The following NDUFAF2 variants were observed in gnomAD, a reference collection of about 807,000 sequenced individuals.
The protein encoded by NDUFAF2 is NADH dehydrogenase [ubiquinone] 1 alpha subcomplex assembly factor 2.
A neutral mutation model predicts 22.8 loss-of-function variants in NDUFAF2; 13 were observed. The observed-to-expected ratio is 0.57, with a 90% CI of 0.37 to 0.91. The LOEUF (loss-of-function observed/expected upper bound fraction) is 0.91. Ranked by LOEUF, NDUFAF2 falls within the 40% of genes least tolerant of loss-of-function variation. NDUFAF2 has a pLI of 0.01. For missense variants in NDUFAF2, 162 were observed against 195.2 expected (o/e 0.83, Z 1.01); for synonymous variants, 53 against 64.2 (o/e 0.83, Z 0.84).
chr5:61,001,613 C>T (rs1238228346), intron 1 of NDUFAF2, among the ~76,000 whole-genome samples: 1 of 151,998 alleles, frequency 6.6e-6, no homozygotes, highest in African/African-American at 2.4e-5. Context: ...TATTTTATGA[C>T]TTTAGATATT....
chr5:61,055,666 G>A (rs1752078792), intron 1 of NDUFAF2, among the ~76,000 whole-genome samples: 1 of 152,216 alleles, frequency 6.6e-6, no homozygotes, highest in African/African-American at 2.4e-5. Flanking sequence ...GGGGGAAGAT[G>A]TGGAAAGTAT....
At chr5:61,062,606 A>G (rs1243879014) in intron 1 of NDUFAF2, among the ~76,000 whole-genome samples, 2 of 152,152 alleles carry the variant, frequency 1.3e-5, no homozygotes, top group East Asian at 3.9e-4. Context: ...CACTTAGAGG[A>G]GAAGAGACAG....
rs188366134 is a variant in NDUFAF2 at position 61,105,298 on chromosome 5, T to C, written c.258+6266T>C. On this transcript the variant is annotated intron_variant, in intron 3 of 3. Coordinates refer to ENST00000296597, the MANE Select transcript of NDUFAF2 (RefSeq NM_174889.5). Reference sequence around the variant, plus strand: ...CTCTAAATAACTGGCATTCATTGAGTAAGTTATCTGTGCCCAATATTACTA... The same window carrying C: ...CTCTAAATAACTGGCATTCATTGAGCAAGTTATCTGTGCCCAATATTACTA... Among the ~76,000 whole-genome samples the C allele has an allele frequency of 5.0e-4, 76 of 151,456 alleles. No homozygotes were observed. The Middle Eastern group carries it at 0.01, about 20-fold the overall frequency.
At chr5:60,969,360 C>T (rs1356518951) in intron 1 of NDUFAF2, among the ~76,000 whole-genome samples, 2 of 152,092 alleles carry the variant, frequency 1.3e-5, no homozygotes, top group Non-Finnish European at 2.9e-5. Flanking sequence ...TTCTCCACAT[C>T]GTTGCCAACA....
intron 1 of NDUFAF2, among the ~76,000 whole-genome samples, chr5:61,030,278 A>G (rs1270522241): frequency 6.6e-6 from 1 of 152,150 alleles, no homozygotes; most frequent in Non-Finnish European, 1.5e-5. Flanking sequence ...CACTTCTGAC[A>G]CATATGGTTC....
At chr5:60,997,148 A>G (rs1312471082) in intron 1 of NDUFAF2, among the ~76,000 whole-genome samples, 1 of 152,194 alleles carries the variant, frequency 6.6e-6, no homozygotes, top group Non-Finnish European at 1.5e-5. Flanking sequence ...CTGAAAACAG[A>G]TGGTTTTTAT....
intron 1 of NDUFAF2, among the ~76,000 whole-genome samples, chr5:61,010,927 A>T (rs992154798): frequency 3.3e-5 from 5 of 152,048 alleles, no homozygotes; most frequent in Non-Finnish European, 7.4e-5. Context: ...TAGAATGTGA[A>T]TGTGCTGGCT....
chr5:61,137,181 T>G (rs1740974199), intron 3 of NDUFAF2, among the ~76,000 whole-genome samples: 1 of 152,220 alleles, frequency 6.6e-6, no homozygotes, highest in Non-Finnish European at 1.5e-5. Flanking sequence ...GCTCTTCTTC[T>G]CTACTATTTC....
At chr5:60,989,877 A>G (rs1358518645) in intron 1 of NDUFAF2, among the ~76,000 whole-genome samples, 1 of 152,186 alleles carries the variant, frequency 6.6e-6, no homozygotes, top group Non-Finnish European at 1.5e-5. Flanking sequence ...CCAAACGTGT[A>G]TATGCATTCC....
At chr5:61,131,053 C>G (rs900719876) in intron 3 of NDUFAF2, among the ~76,000 whole-genome samples, 1 of 152,010 alleles carries the variant, frequency 6.6e-6, no homozygotes, top group African/African-American at 2.4e-5. Context: ...TAGTTAAAAT[C>G]CTAGACAAAG....
intron 1 of NDUFAF2, among the ~76,000 whole-genome samples, chr5:60,977,998 G>A (rs755253741): frequency 1.3e-5 from 2 of 152,182 alleles, no homozygotes; most frequent in East Asian, 1.9e-4. Flanking sequence ...AATAAGGAAA[G>A]AGGTACTGAA....
intron 1 of NDUFAF2, among the ~76,000 whole-genome samples, chr5:60,986,695 C>A (rs1278800599): frequency 1.3e-5 from 2 of 151,992 alleles, no homozygotes; most frequent in Non-Finnish European, 2.9e-5. Context: ...CTTTGGGAGG[C>A]TGAGGTGGGC....
At chr5:61,024,855 C>G (rs1374934481) in intron 1 of NDUFAF2, among the ~76,000 whole-genome samples, 1 of 152,064 alleles carries the variant, frequency 6.6e-6, no homozygotes, top group African/African-American at 2.4e-5. Flanking sequence ...TTCTATCATA[C>G]TACATATCAG....
intron 3 of NDUFAF2, among the ~76,000 whole-genome samples, chr5:61,147,609 A>G (rs370959427): frequency 1.3e-5 from 2 of 151,310 alleles, no homozygotes; most frequent in African/African-American, 4.9e-5. Context: ...GAGTAGATCT[A>G]GAGCAGTGCA....
At chr5:61,082,381 C>T (rs1170305447) in intron 2 of NDUFAF2, among the ~76,000 whole-genome samples, 1 of 152,150 alleles carries the variant, frequency 6.6e-6, no homozygotes, top group Non-Finnish European at 1.5e-5. Context: ...TACAGACACA[C>T]ATCACCATGC....
At chr5:60,996,701 A>G (rs1450011374) in intron 1 of NDUFAF2, among the ~76,000 whole-genome samples, 2 of 152,212 alleles carry the variant, frequency 1.3e-5, no homozygotes, top group Non-Finnish European at 2.9e-5. Context: ...CAAGTACTTA[A>G]GTTCAAACTG....
chr5:61,029,844 C>G (rs759729279), intron 1 of NDUFAF2, among the ~76,000 whole-genome samples: 24 of 152,114 alleles, frequency 1.6e-4, no homozygotes, highest in Non-Finnish European at 2.6e-4. Context: ...GTCCCCTTGC[C>G]GGCAGCTAGC....
chr5:60,962,987 G>C (rs1376812787), intron 1 of NDUFAF2, among the ~76,000 whole-genome samples: 2 of 151,920 alleles, frequency 1.3e-5, no homozygotes, highest in Non-Finnish European at 2.9e-5. Flanking sequence ...CCAGGTTCAA[G>C]TCATTCTCCT....
At chr5:60,949,171 C>G (rs1327417574) in intron 1 of NDUFAF2, among the ~76,000 whole-genome samples, 1 of 152,110 alleles carries the variant, frequency 6.6e-6, no homozygotes, top group Non-Finnish European at 1.5e-5. Context: ...GTTCCGTCAC[C>G]CTGAATAACT....
Sources: allele counts gnomAD v4.1 joint callset (sites outside exome capture counted in the v4.1 genomes callset), GRCh38; gene constraint gnomAD v4.1.1; transcripts MANE v1.5; gene names NCBI Gene and HGNC (gene_info 2026-07-23, HGNC 2026-07-21).